The following GPR89B variants were observed in gnomAD, a reference collection of about 807,000 sequenced individuals.
GPR89B encodes G protein-coupled receptor 89B.
GPR89B carries 25 observed loss-of-function variants against 52.4 expected under a neutral mutation model. The ratio of observed to expected loss-of-function variants is 0.48; its 90% CI spans 0.35 to 0.67. The LOEUF is 0.67. Among genes scored for constraint, GPR89B ranks in the 30% least tolerant of loss-of-function variants. GPR89B has a pLI of 0.01. For missense variants in GPR89B, 146 were observed against 450.2 expected, an observed-to-expected ratio of 0.32 and a Z score of 6.11; for synonymous variants, 52 against 151.2, an observed-to-expected ratio of 0.34 and a Z score of 4.81.
the GPR89B span, chr1:148,024,856 T>A: frequency 6.6e-6 from 1 of 152,074 alleles, no homozygotes; most frequent in Non-Finnish European, 1.5e-5. Flanking sequence ...TGAGCTGATC[T>A]CTGTTTTTCT....
chr1:147,963,773 C>T (rs1334113973), intron 7 of GPR89B, among the ~76,000 whole-genome samples: 5 of 152,106 alleles, frequency 3.3e-5, no homozygotes, highest in Non-Finnish European at 7.3e-5. Flanking sequence ...CCCTCTGGAA[C>T]ACAGTTTAGC....
At chr1:147,931,527 G>C (rs1243319550) in intron 1 of GPR89B, among the ~76,000 whole-genome samples, 1 of 149,898 alleles carries the variant, frequency 6.7e-6, no homozygotes, top group African/African-American at 2.4e-5. Flanking sequence ...CAGAATTTGT[G>C]TTTACTTGGA....
chr1:147,930,529 G>C lies in GPR89B; in HGVS notation c.42+1951G>C, dbSNP rs375823252. ...CTAGATCAGTTGCAGGCACATAGTA[G>C]AGTTGTAGTGAATATTTGTTTAATA... On this transcript the variant is annotated intron_variant, in intron 1 of 13. Transcript: ENST00000314163. Among the ~76,000 whole-genome samples the C allele has an allele frequency of 4.6e-5, 7 of 152,174 alleles. No homozygotes were observed. The South Asian group carries it at 1.5e-3, about 32-fold the overall frequency.
At chr1:147,942,472 G>C (rs1654639174) in intron 3 of GPR89B, among the ~76,000 whole-genome samples, 1 of 151,884 alleles carries the variant, frequency 6.6e-6, no homozygotes, top group Admixed American at 6.6e-5. Flanking sequence ...TACCTAAAGA[G>C]AAATGAAAAC....
At chr1:147,963,636 C>T (rs1329902906) in intron 7 of GPR89B, among the ~76,000 whole-genome samples, 4 of 152,028 alleles carry the variant, frequency 2.6e-5, no homozygotes, top group Admixed American at 1.3e-4. Flanking sequence ...AAAACTACAT[C>T]GAGATAATCA....
At chr1:147,979,101 C>G (rs1658053560) in intron 10 of GPR89B, among the ~76,000 whole-genome samples, 1 of 151,692 alleles carries the variant, frequency 6.6e-6, no homozygotes, top group African/African-American at 2.4e-5. Flanking sequence ...GGTGGGAACT[C>G]CCCTTGCCCT....
At chr1:147,982,332 T>G (rs1213811071) in intron 10 of GPR89B, among the ~76,000 whole-genome samples, 2 of 151,662 alleles carry the variant, frequency 1.3e-5, no homozygotes, top group Admixed American at 1.3e-4. Context: ...AGTGCTAGGA[T>G]TACAGGCATG....
intron 1 of GPR89B, among the ~76,000 whole-genome samples, chr1:147,930,862 C>T (rs1553246919): frequency 6.6e-6 from 1 of 152,142 alleles, no homozygotes; most frequent in Non-Finnish European, 1.5e-5. Flanking sequence ...TATGGTGCCT[C>T]CAGATTTCCA....
chr1:148,008,786 CA>C, the GPR89B span, among the ~76,000 whole-genome samples: 1 of 152,150 alleles, frequency 6.6e-6, no homozygotes, highest in African/African-American at 2.4e-5. Context: ...GGCTGAGCTG[CA>C]GCTGAGGATA....
chr1:147,943,361 A>G, intron 3 of GPR89B, 77 bp from the exon 4 acceptor site: 2 of 1,595,798 alleles, frequency 1.3e-6, no homozygotes, highest in Non-Finnish European at 1.7e-6. Context: ...GAGCAAAAGG[A>G]CCCTTTGGAA....
At chr1:148,012,534 G>T in the GPR89B span, among the ~76,000 whole-genome samples, 1 of 118,818 alleles carries the variant, frequency 8.4e-6, no homozygotes, top group African/African-American at 3.3e-5. Flanking sequence ...CTCTTTTTCA[G>T]TGAAGCTGCT....
At chr1:147,958,097 C>G (rs1332850460) in intron 7 of GPR89B, among the ~76,000 whole-genome samples, 4 of 151,942 alleles carry the variant, frequency 2.6e-5, no homozygotes, top group Non-Finnish European at 5.9e-5. Flanking sequence ...ATAAAGAAGG[C>G]TCAGGTTCAC....
intron 1 of GPR89B, among the ~76,000 whole-genome samples, chr1:147,934,181 GTTTGT>G (rs1553247507): frequency 1.3e-5 from 2 of 150,538 alleles, no homozygotes; most frequent in African/African-American, 4.9e-5. Context: ...TTTTTTGTTT[GTTTGT>G]TTTGTTTTGA....
intron 2 of GPR89B, 86 bp downstream of exon 2, chr1:147,936,772 A>G: frequency 9.4e-7 from 1 of 1,063,544 alleles, no homozygotes; most frequent in Non-Finnish European, 1.4e-6. Flanking sequence ...CATTATGTTC[A>G]TTTCCAAGAT....
the GPR89B span, chr1:148,021,818 A>G: frequency 4.7e-5 from 7 of 148,526 alleles, no homozygotes; most frequent in Admixed American, 2.7e-4. Flanking sequence ...AGGCCATGGC[A>G]ATCATTAGCT....
rs1434843758 is a variant in GPR89B at position 147,955,563 on chromosome 1, T to C, written c.617+1161T>C. ...TTCCTTTTCTCAGCATCCACACCAA[T>C]GTTCTTTATCTTTTGCCCCTTTGAT... is the stretch of plus-strand genomic sequence containing the variant. On this transcript the variant is annotated intron_variant, in intron 7 of 13. Transcript: ENST00000314163. 3.7e-4 allele frequency among the ~76,000 whole-genome samples: 56 copies of C among 152,224 alleles called. 1 individual carries two copies. In the South Asian group the frequency reaches 0.011, roughly 29 times the overall value.
intron 7 of GPR89B, among the ~76,000 whole-genome samples, chr1:147,965,860 T>C (rs1656992793): frequency 6.6e-6 from 1 of 151,926 alleles, no homozygotes; most frequent in African/African-American, 2.4e-5. Context: ...TTTTGTTTTG[T>C]TTTTGAGATG....
chr1:147,995,693 A>G (rs1386294504), downstream of GPR89B: 14 of 1,608,620 alleles, frequency 8.7e-6, no homozygotes, highest in Middle Eastern at 2.2e-4. Context: ...GGAGGAAACA[A>G]TAGGGATTTT....
intron 7 of GPR89B, among the ~76,000 whole-genome samples, chr1:147,956,772 CTGTTGCCCAGGCTGGAGTGCAGTGA>C (rs1656146953): frequency 6.6e-6 from 1 of 151,114 alleles, no homozygotes. Context: ...GAGTCTCACT[CTGTTGCCCAGGCTGGAGTGCAGTGA>C]CGTGATTTCA....
Sources: allele counts gnomAD v4.1 joint callset (sites outside exome capture counted in the v4.1 genomes callset), GRCh38; gene constraint gnomAD v4.1.1; transcripts MANE v1.5; gene names NCBI Gene and HGNC (gene_info 2026-07-23, HGNC 2026-07-21).